RIPOR2: variants seen among roughly 807,000 people sequenced by gnomAD.
RIPOR2 encodes RHO family interacting cell polarization regulator 2.
RIPOR2 carries 39 observed loss-of-function variants against 114.5 expected under a neutral mutation model. The observed-to-expected ratio is 0.34, with a 90% CI of 0.26 to 0.44. RIPOR2 has a LOEUF of 0.44. Among genes scored for constraint, RIPOR2 ranks in the 20% least tolerant of loss-of-function variants. RIPOR2 has a pLI of 1.00. For missense variants in RIPOR2, 1,007 were observed against 1,255.1 expected (o/e 0.80, Z 2.99); for synonymous variants, 445 against 484.4 (o/e 0.92, Z 1.07).
Position 24,930,816 on chromosome 6 carries a change from G to A in RIPOR2, c.61+5022C>T, listed in dbSNP as rs1420522967. ...GAGTGACCAATTCTTTTCAACCCAG[G>A]AAACTAGGGCAGCCTCTTTCTGCCC... On this transcript the variant is annotated intron_variant, in intron 1 of 21. Transcript: ENST00000643898. Among the ~76,000 whole-genome samples, 11 of 152,228 alleles carry A rather than the reference G, an allele frequency of 7.2e-5. No homozygotes were observed. The South Asian group carries it at 1.7e-3, about 23-fold the overall frequency.
chr6:24,889,006 G>A (rs1011502403), intron 1 of RIPOR2, among the ~76,000 whole-genome samples: 3 of 152,132 alleles, frequency 2.0e-5, no homozygotes, highest in African/African-American at 7.2e-5. Context: ...AGTTACATTC[G>A]TCATTTTATT....
Position 24,824,955 on chromosome 6 carries a change from A to G in RIPOR2, c.2868+271T>C, listed in dbSNP as rs1290699433. On this transcript the variant is annotated intron_variant, in intron 19 of 21. Transcript: ENST00000643898. ...ATTTAAAAATCCATTATGAAATAGGATAGTGTGATCTCATTTTAAAAATTA... is the reference window on the plus strand; with the variant it reads ...ATTTAAAAATCCATTATGAAATAGGGTAGTGTGATCTCATTTTAAAAATTA... Among the ~76,000 whole-genome samples, 5 of 152,234 alleles carry G rather than the reference A, an allele frequency of 3.3e-5. No homozygotes were observed. In the East Asian group the frequency reaches 7.7e-4, roughly 23 times the overall value.
In RIPOR2 at chr6:24,855,775, C is replaced by A. The variant is rs1236071948; in HGVS notation, c.716-3157G>T. 3.3e-5 allele frequency among the ~76,000 whole-genome samples: 5 copies of A among 152,364 alleles called. No homozygotes were observed. In the East Asian group the frequency reaches 9.6e-4, roughly 29 times the overall value. ...CTTGGCCAGGCATGGTGGCTCACAC[C>A]TGTGATCCTGTGCTCTGGGAGGCCA... On this transcript the variant is annotated intron_variant, in intron 8 of 21. Coordinates refer to ENST00000643898, the MANE Select transcript of RIPOR2 (RefSeq NM_001286445.3).
chr6:24,958,836 G>A (rs921321804), intron 1 of RIPOR2, among the ~76,000 whole-genome samples: 11 of 151,998 alleles, frequency 7.2e-5, no homozygotes, highest in African/African-American at 2.4e-4. Flanking sequence ...GGAGGGTGGG[G>A]GTCATCCAAG....
intron 1 of RIPOR2, among the ~76,000 whole-genome samples, chr6:24,956,009 CAAAAA>C (rs10587846): frequency 3.1e-5 from 4 of 130,500 alleles, no homozygotes; most frequent in Non-Finnish European, 3.3e-5. Flanking sequence ...GACTCTGTCT[CAAAAA>C]AAAAAAAAAA....
At chr6:24,910,641 C>T in intron 1 of RIPOR2, 1 of 188,964 alleles carries the variant, frequency 5.3e-6, no homozygotes, top group Non-Finnish European at 9.8e-6. Context: ...CGACCGTACC[C>T]TGTGGGCTTC....
At chr6:24,965,296 C>T (rs775009698) in intron 1 of RIPOR2, among the ~76,000 whole-genome samples, 26 of 152,070 alleles carry the variant, frequency 1.7e-4, no homozygotes, top group Admixed American at 1.2e-3. Context: ...CACTACTACA[C>T]TCAACAAACT....
intron 1 of RIPOR2, among the ~76,000 whole-genome samples, chr6:25,019,774 C>CAAAAAAAAAAAAAAAA (rs34107737): frequency 1.9e-5 from 1 of 53,120 alleles, no homozygotes; most frequent in Non-Finnish European, 3.1e-5. Context: ...GACTCTGTCT[C>CAAAAAAAAAAAAAAAA]AAAAAAAAAA....
intron 17 of RIPOR2, among the ~76,000 whole-genome samples, chr6:24,829,558 T>C (rs1440755462): frequency 2.0e-5 from 3 of 152,100 alleles, no homozygotes; most frequent in Non-Finnish European, 4.4e-5. Context: ...GCCCAGGAGA[T>C]TGAGGCTGCA....
At chr6:24,890,451 G>A (rs552541157) in intron 1 of RIPOR2, among the ~76,000 whole-genome samples, 1 of 152,224 alleles carries the variant, frequency 6.6e-6, no homozygotes, top group South Asian at 2.1e-4. Flanking sequence ...TAAATAATGT[G>A]TACAAATGGA....
intron 13 of RIPOR2, 72 bp from the exon 14 acceptor site, chr6:24,839,344 T>C: frequency 6.8e-7 from 1 of 1,470,302 alleles, no homozygotes. Context: ...CGATGCTCAA[T>C]TGGAGATGCC....
At chr6:24,855,376 T>A (rs1045836582) in intron 8 of RIPOR2, among the ~76,000 whole-genome samples, 62 of 152,314 alleles carry the variant, frequency 4.1e-4, no homozygotes, top group African/African-American at 8.9e-4. Flanking sequence ...GACTTTATTT[T>A]TTTTTTGTTA....
chr6:24,833,849 T>C (rs1243267385), intron 15 of RIPOR2, among the ~76,000 whole-genome samples: 2 of 152,064 alleles, frequency 1.3e-5, no homozygotes, highest in Non-Finnish European at 2.9e-5. Flanking sequence ...AGAGAAACAC[T>C]GCATTGACTG....
At chr6:24,821,059 G>A (rs1759653681) in intron 19 of RIPOR2, among the ~76,000 whole-genome samples, 1 of 151,826 alleles carries the variant, frequency 6.6e-6, no homozygotes, top group Admixed American at 6.6e-5. Flanking sequence ...TTTTAGTACG[G>A]ATGGGGTTTC....
intron 8 of RIPOR2, among the ~76,000 whole-genome samples, 182 bp downstream of exon 8, chr6:24,860,791 G>T (rs536288636): frequency 6.6e-6 from 1 of 152,252 alleles, no homozygotes; most frequent in Admixed American, 6.5e-5. Context: ...TAATATTTTT[G>T]TGTGTGTAGG....
chr6:24,952,836 A>G (rs1333806145), intron 1 of RIPOR2, among the ~76,000 whole-genome samples: 2 of 152,236 alleles, frequency 1.3e-5, no homozygotes, highest in African/African-American at 4.8e-5. Flanking sequence ...TCTTTTTTAA[A>G]TCTAGAAAGA....
chr6:24,984,796 G>A (rs749688836), intron 1 of RIPOR2, among the ~76,000 whole-genome samples: 19 of 152,168 alleles, frequency 1.2e-4, no homozygotes, highest in Admixed American at 6.5e-5. Context: ...CCCAAGAACT[G>A]ACAGGACATG....
chr6:24,904,806 G>A (rs958930149), intron 1 of RIPOR2, among the ~76,000 whole-genome samples: 2 of 152,142 alleles, frequency 1.3e-5, no homozygotes, highest in African/African-American at 4.8e-5. Context: ...ACGGAGTCTC[G>A]CTTTGTTGCC....
At chr6:24,995,704 G>A (rs1215122711) in intron 1 of RIPOR2, among the ~76,000 whole-genome samples, 3 of 152,006 alleles carry the variant, frequency 2.0e-5, no homozygotes. Context: ...AAAGTTCATA[G>A]CAATTCCCCA....
Sources: gnomAD v4.1 joint callset for allele counts (sites outside exome capture counted in the v4.1 genomes callset) on GRCh38, gnomAD v4.1.1 for gene constraint, MANE v1.5 for transcripts, NCBI Gene and HGNC (gene_info 2026-07-23, HGNC 2026-07-21) for gene names.